The following ANGPT2 variants were observed in gnomAD, a reference collection of about 807,000 sequenced individuals.
ANGPT2 encodes the protein angiopoietin-2.
ANGPT2 carries 28 observed loss-of-function variants against 62.9 expected under a neutral mutation model. The ratio of observed to expected loss-of-function variants is 0.44; its 90% CI spans 0.33 to 0.61. ANGPT2 has a LOEUF of 0.61. ANGPT2 is among the 20% of genes least tolerant of loss of function. The pLI, the probability that ANGPT2 is intolerant of heterozygous loss-of-function variation, is 0.03. For synonymous variants in ANGPT2, 284 were observed against 207.8 expected, an observed-to-expected ratio of 1.37 and a Z score of -3.15; for missense variants, 727 against 594.9, an observed-to-expected ratio of 1.22 and a Z score of -2.31.
intron 2 of ANGPT2, among the ~76,000 whole-genome samples, chr8:6,528,995 T>G (rs772380167): frequency 1.3e-5 from 2 of 152,234 alleles, no homozygotes; most frequent in Non-Finnish European, 2.9e-5. Context: ...GTCCAAACAT[T>G]CTATGTTGGT....
Position 6,509,716 on chromosome 8 carries a change from G to T in ANGPT2, c.1197-654C>A, listed in dbSNP as rs79577067. 7.1e-3 allele frequency among the ~76,000 whole-genome samples: 1,076 copies of T among 152,276 alleles called. 14 individuals are homozygous for T. The highest frequency in any genetic ancestry group is 0.025 in the African/African-American group (1,040 of 41,548). On this transcript the variant is annotated intron_variant, in intron 7 of 8. Transcript: ENST00000629816. ...TGTTCTGATAAGCCCATTTTCTGTT[G>T]AAAATGTTGTATATTGAAAATGCAT...
chr8:6,503,206 C>T lies in ANGPT2; in HGVS notation c.1383G>A (p.Gln461=), dbSNP rs1179079767. The part of the protein sequence containing the change: ...PSNLNGMYYP[Q]RQNTNKFNGI... ...CGTTGAACTTATTTGTGTTCTGCCT[C>T]TGTGGATAGTACATTCCGTTCAAGT... is the stretch of plus-strand genomic sequence containing the variant. Residue 461 remains glutamine, a synonymous_variant, in exon 9 of 9, where the codon CAG becomes CAA. Transcript: ENST00000629816. 6 of 1,614,070 alleles carry T rather than the reference C, an allele frequency of 3.7e-6. No homozygotes were observed. Among genetic ancestry groups the T allele is most frequent in the Non-Finnish European group, 5.1e-6 (6 of 1,180,038 alleles).
rs1013837911 is a variant in ANGPT2 at position 6,502,297 on chromosome 8, C to T, written c.*804G>A. 6.6e-6 allele frequency: 1 copy of T among 151,958 alleles called. No homozygotes were observed. The highest frequency in any genetic ancestry group is 2.4e-5 in the African/African-American group (1 of 41,368). 9.4% of individuals were successfully genotyped at this position (151,958 alleles called of 1,614,324 possible). A position where few individuals can be genotyped will look rare whatever the true frequency, so the allele number is the denominator to read the frequency against. ...TCATAAAAGTTAAACATAGGCATAT[C>T]CCCTAATAAGTTATATTTAATTACT... On this transcript the variant is annotated 3_prime_UTR_variant, in exon 9 of 9. Transcript: ENST00000629816.
chr8:6,513,435 C>G (rs534132339), intron 7 of ANGPT2, among the ~76,000 whole-genome samples: 55 of 151,826 alleles, frequency 3.6e-4, no homozygotes, highest in African/African-American at 1.2e-3. Context: ...CGGGTTCACG[C>G]CATTCTTCTG....
chr8:6,517,083 G>A (rs984742969), intron 5 of ANGPT2, among the ~76,000 whole-genome samples: 5 of 152,318 alleles, frequency 3.3e-5, no homozygotes, highest in African/African-American at 4.8e-5. Context: ...GAGAAAGATA[G>A]TGTTCAAATA....
intron 2 of ANGPT2, 143 bp downstream of exon 2, chr8:6,532,189 T>G: frequency 1.0e-6 from 1 of 991,914 alleles, no homozygotes; most frequent in Non-Finnish European, 1.5e-6. Context: ...CCATACATCC[T>G]TAATTTCTTA....
intron 1 of ANGPT2, among the ~76,000 whole-genome samples, chr8:6,542,633 C>G (rs1262764413): frequency 6.6e-6 from 1 of 151,428 alleles, no homozygotes; most frequent in Admixed American, 6.6e-5. Context: ...GGAGCATTAA[C>G]ATTCTTACTT....
intron 5 of ANGPT2, among the ~76,000 whole-genome samples, chr8:6,517,085 G>T (rs954756045): frequency 6.6e-6 from 1 of 152,186 alleles, no homozygotes; most frequent in African/African-American, 2.4e-5. Context: ...GAAAGATAGT[G>T]TTCAAATAGA....
chr8:6,545,473 G>C (rs1055844873), intron 1 of ANGPT2, among the ~76,000 whole-genome samples: 1 of 152,128 alleles, frequency 6.6e-6, no homozygotes. Flanking sequence ...TTTCATCTAG[G>C]AGCACCTAAA....
chr8:6,561,384 T>G (rs999878168), intron 1 of ANGPT2, among the ~76,000 whole-genome samples: 2 of 152,234 alleles, frequency 1.3e-5, no homozygotes, highest in Admixed American at 6.5e-5. Context: ...TCACATTCAT[T>G]CATTTAAGCT....
At chr8:6,553,883 C>T (rs114313771) in intron 1 of ANGPT2, among the ~76,000 whole-genome samples, 94 of 152,106 alleles carry the variant, frequency 6.2e-4, no homozygotes, top group African/African-American at 2.2e-3. Flanking sequence ...AACTTCATGG[C>T]GTATTTTCGC....
intron 7 of ANGPT2, among the ~76,000 whole-genome samples, chr8:6,509,484 G>T (rs1196131275): frequency 2.0e-5 from 3 of 152,198 alleles, no homozygotes; most frequent in Admixed American, 2.0e-4. Flanking sequence ...GGGGGGGATG[G>T]AGAATGCAGC....
At chr8:6,554,481 A>G (rs1824239150) in intron 1 of ANGPT2, among the ~76,000 whole-genome samples, 1 of 152,174 alleles carries the variant, frequency 6.6e-6, no homozygotes, top group African/African-American at 2.4e-5. Flanking sequence ...TCTATATCTT[A>G]GTATCTCATC....
intron 1 of ANGPT2, among the ~76,000 whole-genome samples, chr8:6,554,790 T>C (rs903178557): frequency 1.3e-5 from 2 of 152,174 alleles, no homozygotes; most frequent in Non-Finnish European, 2.9e-5. Context: ...AATCAGGTTC[T>C]AGATGAATTG....
At chr8:6,525,766 C>A (rs575600967) in intron 3 of ANGPT2, among the ~76,000 whole-genome samples, 1 of 152,064 alleles carries the variant, frequency 6.6e-6, no homozygotes, top group South Asian at 2.1e-4. Flanking sequence ...ATGAAAAAAA[C>A]CTTTTTATTT....
Position 6,500,220 on chromosome 8 carries a change from G to C in ANGPT2, c.*2881C>G. 2.5e-6 allele frequency: 1 copy of C among 403,486 alleles called. No individual in the cohort carries two copies. Among genetic ancestry groups the C allele is most frequent in the Non-Finnish European group, 4.6e-6 (1 of 215,454 alleles). The allele number at this position is 403,486 out of a possible 1,614,324, so 25.0% of individuals were successfully genotyped here. A position where few individuals can be genotyped will look rare whatever the true frequency, so the allele number is the denominator to read the frequency against. ...TGAAAAAAGACTGAATTCTTGGGCA[G>C]GTAGTCTTATATCTTGCTTAATGTT... On this transcript the variant is annotated 3_prime_UTR_variant, in exon 9 of 9. Coordinates refer to ENST00000629816, the MANE Select transcript of ANGPT2 (RefSeq NM_001118887.2).
chr8:6,556,323 A>G (rs1824598844), intron 1 of ANGPT2, among the ~76,000 whole-genome samples: 1 of 152,166 alleles, frequency 6.6e-6, no homozygotes, highest in Non-Finnish European at 1.5e-5. Flanking sequence ...TTCTTTGTAT[A>G]TTCTCCATTT....
chr8:6,513,864 A>T lies in ANGPT2; in HGVS notation c.1030-20T>A, dbSNP rs1815696106. ...AAATCCCTGTAATGCAAGTTGTTAA[A>T]TTCAATTATTTCATGTAATTTTTTC... is the stretch of plus-strand genomic sequence containing the variant. On this transcript the variant is annotated intron_variant, in intron 6 of 8. Transcript: ENST00000629816. The T allele has an allele frequency of 6.3e-7, 1 of 1,586,434 alleles. No homozygotes were observed. Among genetic ancestry groups the T allele is most frequent in the Non-Finnish European group, 8.6e-7 (1 of 1,167,220 alleles).
chr8:6,562,863 C>T lies in ANGPT2; in HGVS notation c.72G>A (p.Lys24=). Residue 24 remains lysine (K), a synonymous_variant, in exon 1 of 9, where the codon AAG becomes AAA. Transcript: ENST00000629816. ...GCTTCTTTCCTATGCTGTCCATGCT[C>T]TTCCGAAAGTTGTTATAGGCTGCGG... ...VLAAAYNNFR[K]SMDSIGKKQY... 3.1e-6 allele frequency: 5 copies of T among 1,612,950 alleles called. No individual in the cohort carries two copies. Among genetic ancestry groups the T allele is most frequent in the Non-Finnish European group, 4.2e-6 (5 of 1,179,116 alleles).
Sources: allele counts gnomAD v4.1 joint callset (sites outside exome capture counted in the v4.1 genomes callset), GRCh38; gene constraint gnomAD v4.1.1; transcripts MANE v1.5; gene names NCBI Gene and HGNC (gene_info 2026-07-23, HGNC 2026-07-21).